The following FGF10 variants were observed in gnomAD, a reference collection of about 807,000 sequenced individuals.
The protein encoded by FGF10 is FGF-10.
FGF10 carries 2 observed loss-of-function variants against 19.8 expected under a neutral mutation model. The observed-to-expected ratio is 0.10, with a 90% CI of 0.04 to 0.32. FGF10 has a LOEUF of 0.32. FGF10 is among the 10% of genes least tolerant of loss of function. The pLI is 1.00. For missense variants in FGF10, 191 were observed against 246.3 expected (o/e 0.78, Z 1.50); for synonymous variants, 112 against 94.0 (o/e 1.19, Z -1.10).
chr5:44,333,544 C>T (rs2111766649), intron 1 of FGF10, among the ~76,000 whole-genome samples: 1 of 152,248 alleles, frequency 6.6e-6, no homozygotes, highest in Non-Finnish European at 1.5e-5. Flanking sequence ...GCTAAGCAAA[C>T]ATCGGCCATT....
chr5:44,358,198 G>A (rs1741393285), intron 1 of FGF10, among the ~76,000 whole-genome samples: 2 of 151,504 alleles, frequency 1.3e-5, no homozygotes, highest in Admixed American at 1.3e-4. Flanking sequence ...CAAGGGAGAA[G>A]ATCTTTAACG....
chr5:44,312,263 A>G (rs1024871531), intron 1 of FGF10, among the ~76,000 whole-genome samples: 2 of 151,940 alleles, frequency 1.3e-5, no homozygotes, highest in Non-Finnish European at 2.9e-5. Context: ...TAATTCACAC[A>G]ATAGCCCTCT....
chr5:44,344,568 CTG>C (rs1166640935), intron 1 of FGF10, among the ~76,000 whole-genome samples: 4,193 of 126,810 alleles, frequency 0.033, 187 homozygotes, highest in East Asian at 0.13. Flanking sequence ...TTTGTTTTCT[CTG>C]TGTGTGTGTG....
At chr5:44,345,279 T>C (rs1278115018) in intron 1 of FGF10, among the ~76,000 whole-genome samples, 2 of 151,526 alleles carry the variant, frequency 1.3e-5, no homozygotes, top group African/African-American at 4.9e-5. Context: ...GATTTGAAGA[T>C]ACCTTGAGGA....
At chr5:44,357,071 A>G (rs571160467) in intron 1 of FGF10, among the ~76,000 whole-genome samples, 5 of 151,480 alleles carry the variant, frequency 3.3e-5, no homozygotes, top group Admixed American at 1.3e-4. Flanking sequence ...TAGGTAAGAG[A>G]TGCCATTTAG....
At chr5:44,358,038 G>A (rs1440493187) in intron 1 of FGF10, among the ~76,000 whole-genome samples, 3 of 151,342 alleles carry the variant, frequency 2.0e-5, no homozygotes. Flanking sequence ...AGGGGGGCAA[G>A]GGCATTTCTG....
chr5:44,326,152 A>C (rs950564227), intron 1 of FGF10, among the ~76,000 whole-genome samples: 11 of 152,240 alleles, frequency 7.2e-5, no homozygotes, highest in Non-Finnish European at 5.9e-5. Flanking sequence ...AATGGAACTC[A>C]GGAATAGAAC....
At position 44,341,494 on chromosome 5, in the gene FGF10, T is replaced by TA. The variant is rs11308668; in HGVS notation, c.326-30965dup. On this transcript the variant is annotated intron_variant, in intron 1 of 2. Coordinates refer to ENST00000264664, the MANE Select transcript of FGF10 (RefSeq NM_004465.2). ...TTTCCATAATTCACTGCCTTGTTAT[T>TA]AAAAAAAAAACATAAACCTGATGAG... Among the ~76,000 whole-genome samples, 202 of 148,866 alleles carry TA rather than the reference T, an allele frequency of 1.4e-3. 2 individuals carry two copies. The highest frequency in any genetic ancestry group is 3.2e-3 in the African/African-American group (133 of 40,980).
At chr5:44,352,186 C>T (rs976931339) in intron 1 of FGF10, among the ~76,000 whole-genome samples, 6 of 151,546 alleles carry the variant, frequency 4.0e-5, no homozygotes, top group Non-Finnish European at 7.4e-5. Context: ...TAACGCCATG[C>T]CACTTACACC....
At chr5:44,311,385 A>C (rs17228102) in intron 1 of FGF10, among the ~76,000 whole-genome samples, 1 of 152,126 alleles carries the variant, frequency 6.6e-6, no homozygotes, top group African/African-American at 2.4e-5. Context: ...AACTAAAACT[A>C]CTTATTTCAT....
chr5:44,366,587 C>T (rs191849220), intron 1 of FGF10, among the ~76,000 whole-genome samples: 1 of 151,998 alleles, frequency 6.6e-6, no homozygotes, highest in Admixed American at 6.6e-5. Context: ...AACAAGCTAC[C>T]AAGGGCCTGC....
intron 1 of FGF10, among the ~76,000 whole-genome samples, chr5:44,344,402 C>A (rs1383937356): frequency 6.6e-6 from 1 of 151,736 alleles, no homozygotes; most frequent in Non-Finnish European, 1.5e-5. Flanking sequence ...ATAAAAACCA[C>A]AAGATGTGTC....
intron 2 of FGF10, among the ~76,000 whole-genome samples, chr5:44,309,844 G>C (rs935468300): frequency 2.0e-5 from 3 of 152,078 alleles, no homozygotes; most frequent in Non-Finnish European, 4.4e-5. Flanking sequence ...AGGGATACCT[G>C]CTCCACAAGG....
At chr5:44,334,779 G>A (rs376760006) in intron 1 of FGF10, among the ~76,000 whole-genome samples, 1 of 152,200 alleles carries the variant, frequency 6.6e-6, no homozygotes, top group East Asian at 1.9e-4. Flanking sequence ...AATGCCTAGC[G>A]AAAGCTGGTG....
intron 1 of FGF10, among the ~76,000 whole-genome samples, chr5:44,355,900 T>G (rs942168925): frequency 6.6e-6 from 1 of 151,466 alleles, no homozygotes; most frequent in Non-Finnish European, 1.5e-5. Context: ...CCAAAAGACT[T>G]GATCCACTAA....
At chr5:44,374,297 G>T (rs1741807349) in intron 1 of FGF10, among the ~76,000 whole-genome samples, 1 of 152,026 alleles carries the variant, frequency 6.6e-6, no homozygotes, top group South Asian at 2.1e-4. Flanking sequence ...GGCATTAAGG[G>T]CCTACCTGGA....
At chr5:44,316,333 G>A (rs75670648) in intron 1 of FGF10, among the ~76,000 whole-genome samples, 2 of 152,296 alleles carry the variant, frequency 1.3e-5, no homozygotes, top group East Asian at 1.9e-4. Context: ...GAATCTCAGA[G>A]AGTGGGTGCT....
chr5:44,368,297 T>C (rs1433832723), intron 1 of FGF10, among the ~76,000 whole-genome samples: 1 of 152,096 alleles, frequency 6.6e-6, no homozygotes, highest in African/African-American at 2.4e-5. Flanking sequence ...AAATTGGAAG[T>C]ATGCAATTCA....
intron 1 of FGF10, among the ~76,000 whole-genome samples, chr5:44,315,300 A>G (rs534309378): frequency 6.6e-6 from 1 of 152,166 alleles, no homozygotes; most frequent in South Asian, 2.1e-4. Flanking sequence ...GTTTGAGGTG[A>G]CTTTTCAAGA....
Sources: allele counts gnomAD v4.1 joint callset (sites outside exome capture counted in the v4.1 genomes callset), GRCh38; gene constraint gnomAD v4.1.1; transcripts MANE v1.5; gene names NCBI Gene and HGNC (gene_info 2026-07-23, HGNC 2026-07-21).